ELP2: variants seen among roughly 807,000 people sequenced by gnomAD.
ELP2 encodes the protein elongator complex protein 2.
In ELP2, 90 loss-of-function variants were observed where a neutral mutation model predicts 119.2. The ratio of observed to expected loss-of-function variants is 0.75; its 90% CI spans 0.64 to 0.90. ELP2 has a LOEUF of 0.90. ELP2 is among the 40% of genes least tolerant of loss of function. The pLI is 0.00. For missense variants in ELP2, 921 were observed against 967.8 expected (o/e 0.95, Z 0.64); for synonymous variants, 339 against 331.0 (o/e 1.02, Z -0.26).
Position 36,154,883 on chromosome 18 carries a change from C to T in ELP2, c.1159C>T (p.His387Tyr). 5 of 1,614,018 alleles carry T rather than the reference C, an allele frequency of 3.1e-6. No individual in the cohort carries two copies. The highest frequency in any genetic ancestry group is 4.2e-6 in the Non-Finnish European group (5 of 1,179,906). The change falls in exon 12 of 22, where the codon CAC becomes TAC. Residue 387 changes from histidine (H) to tyrosine (Y), a missense_variant. By Grantham distance (83) the His-to-Tyr change is moderately conservative. Coordinates refer to ENST00000358232, the MANE Select transcript of ELP2 (RefSeq NM_018255.4). ...EWTPEIVISG[H>Y]FDGVQDLVWD... is the part of the protein sequence containing the mutation. ...GACTCCAGAGATTGTCATTTCAGGA[C>T]ACTTTGATGGTGTCCAAGACCTAGT...
At chr18:36,145,149 C>G in intron 9 of ELP2, 115 bp downstream of exon 9, 2 of 816,730 alleles carry the variant, frequency 2.4e-6, no homozygotes, top group Non-Finnish European at 4.3e-6. Context: ...AAATACATGA[C>G]ATTTTCAAGT....
rs753760574 is a variant in ELP2, at chr18:36,142,916, A to G, written c.746A>G (p.Asp249Gly). ...AAGTCAACATCTTTAGAAACTCAGG[A>G]TGACGATAACATAAGACTGAAAGAA... is the stretch of plus-strand genomic sequence containing the variant. ...YIKSTSLETQ[D>G]DDNIRLKENT... Residue 249 changes from aspartate (D) to glycine (G), a missense_variant, in exon 8 of 22, where the codon GAT becomes GGT. By Grantham distance (94) the Asp-to-Gly change is moderately conservative. Coordinates refer to ENST00000358232, the MANE Select transcript of ELP2 (RefSeq NM_018255.4). 4 of 1,598,712 alleles carry G rather than the reference A, an allele frequency of 2.5e-6. No homozygotes were observed. The African/African-American group carries it at 4.0e-5, about 16-fold the overall frequency.
At chr18:36,138,211 A>C in intron 3 of ELP2, 59 bp from the exon 4 acceptor site, 1 of 1,569,250 alleles carries the variant, frequency 6.4e-7, no homozygotes, top group Non-Finnish European at 8.7e-7. Context: ...TTATCCAATT[A>C]AATAAAGGTA....
At chr18:36,162,653 T>G (rs1307170531) in intron 17 of ELP2, among the ~76,000 whole-genome samples, 2 of 152,204 alleles carry the variant, frequency 1.3e-5, no homozygotes, top group Non-Finnish European at 2.9e-5. Flanking sequence ...CATGCTGTGT[T>G]CCGCAGTGGT....
At chr18:36,155,272 C>CCG in intron 12 of ELP2, among the ~76,000 whole-genome samples, 1 of 145,910 alleles carries the variant, frequency 6.9e-6, no homozygotes, top group South Asian at 2.3e-4. Flanking sequence ...CCTCCCCCCC[C>CCG]CCCGCCTCCC....
In ELP2 at chr18:36,142,359, AT is replaced by A; in HGVS notation, c.655+16del. The A allele has an allele frequency of 5.0e-6, 8 of 1,609,964 alleles. No homozygotes were observed. The highest frequency in any genetic ancestry group is 6.8e-6 in the Non-Finnish European group (8 of 1,176,280). ...ATGGGCAGCCTTTGGTCAGTATGAA[AT>A]TTTGCTAATGCACATACAATGGGAA... On this transcript the variant is annotated intron_variant, in intron 7 of 21. Coordinates refer to ENST00000358232, the MANE Select transcript of ELP2 (RefSeq NM_018255.4).
intron 21 of ELP2, among the ~76,000 whole-genome samples, chr18:36,172,278 A>G (rs960154586): frequency 6.6e-6 from 1 of 152,090 alleles, no homozygotes; most frequent in Non-Finnish European, 1.5e-5. Flanking sequence ...AAAAAGTATA[A>G]ACGTTCAGAA....
chr18:36,169,466 A>AG (rs2091012222), intron 19 of ELP2, among the ~76,000 whole-genome samples: 1 of 150,588 alleles, frequency 6.6e-6, no homozygotes, highest in Non-Finnish European at 1.5e-5. Flanking sequence ...GGCTCACTGC[A>AG]ACCTCTGCCT....
In ELP2 at chr18:36,180,034, C is replaced by G. The variant is rs1470555601; in HGVS notation, c.*5393C>G. 1 of 152,242 alleles carries G rather than the reference C, an allele frequency of 6.6e-6. No homozygotes were observed. The highest frequency in any genetic ancestry group is 2.1e-4 in the South Asian group (1 of 4,836). The allele number at this position is 152,242 out of a possible 1,614,324, so 9.4% of individuals were successfully genotyped here. On this transcript the variant is annotated 3_prime_UTR_variant, in exon 22 of 22. Coordinates refer to ENST00000358232, the MANE Select transcript of ELP2 (RefSeq NM_018255.4). ...TTACGCAAGTTAAAAGTTTATTTCT[C>G]TCATATGAAAGGAGTCAAGGCAGAC...
intron 11 of ELP2, among the ~76,000 whole-genome samples, chr18:36,148,229 G>A (rs529645598): frequency 5.2e-4 from 79 of 152,110 alleles, no homozygotes; most frequent in African/African-American, 1.9e-3. Context: ...GAGTAGCTGG[G>A]ACTACAGGTG....
At chr18:36,153,405 G>C (rs555975143) in intron 11 of ELP2, among the ~76,000 whole-genome samples, 1 of 152,226 alleles carries the variant, frequency 6.6e-6, no homozygotes, top group South Asian at 2.1e-4. Context: ...AGCAAATCCT[G>C]CTTCACTAAG....
chr18:36,159,019 G>A, intron 14 of ELP2, 115 bp downstream of exon 14: 3 of 739,362 alleles, frequency 4.1e-6, no homozygotes, highest in South Asian at 1.5e-5. Flanking sequence ...TTAAATCACA[G>A]TATATCTTTT....
At chr18:36,133,736 AT>A (rs10535065) in intron 2 of ELP2, among the ~76,000 whole-genome samples, 65,567 of 146,112 alleles carry the variant, frequency 0.45, 15,439 homozygotes, top group South Asian at 0.63. Context: ...TTATTTATTT[AT>A]TTTTTTTTTG....
chr18:36,160,367 G>A (rs536101639), intron 16 of ELP2, among the ~76,000 whole-genome samples: 7 of 152,044 alleles, frequency 4.6e-5, no homozygotes, highest in Admixed American at 1.3e-4. Flanking sequence ...TTGAGGCCAG[G>A]AGTTTGAGAC....
Position 36,164,630 on chromosome 18 carries a change from A to G in ELP2, c.1917A>G (p.Ser639=). 2 of 1,614,118 alleles carry G rather than the reference A, an allele frequency of 1.2e-6. No individual in the cohort carries two copies. Among genetic ancestry groups the G allele is most frequent in the African/African-American group, 1.3e-5 (1 of 75,060 alleles). Residue 639 remains serine, a synonymous_variant, in exon 18 of 22, where the codon TCA becomes TCG. Transcript: ENST00000358232. Reference sequence around the variant, plus strand: ...CTGTTTCCAGAGATCGAACCTGGTCATTGTGGAAAAAGCAGGATACAATCT... The same window carrying G: ...CTGTTTCCAGAGATCGAACCTGGTCGTTGTGGAAAAAGCAGGATACAATCT... The part of the protein sequence containing the change: ...LLAVSRDRTW[S]LWKKQDTISP...
At chr18:36,160,710 T>C (rs1010775658) in intron 16 of ELP2, among the ~76,000 whole-genome samples, 2 of 152,172 alleles carry the variant, frequency 1.3e-5, no homozygotes, top group African/African-American at 4.8e-5. Flanking sequence ...AAAACTTGTA[T>C]GTTAATTGTT....
chr18:36,136,578 A>C, intron 3 of ELP2: 1 of 580,928 alleles, frequency 1.7e-6, no homozygotes, highest in South Asian at 2.1e-5. Context: ...TTTTGTAGAG[A>C]TGGGGTCTTA....
At chr18:36,141,030 A>G (rs1423750795) in intron 5 of ELP2, 107 bp from the exon 6 acceptor site, 3 of 896,174 alleles carry the variant, frequency 3.3e-6, no homozygotes, top group Non-Finnish European at 3.8e-6. Flanking sequence ...GGTGTGGGAA[A>G]TTGAAGTCAG....
intron 7 of ELP2, 109 bp downstream of exon 7, chr18:36,142,456 T>A: frequency 1.1e-6 from 1 of 922,038 alleles, no homozygotes; most frequent in South Asian, 1.4e-5. Context: ...TATGTTATGT[T>A]TTTCTATTGT....
Sources: allele counts gnomAD v4.1 joint callset (sites outside exome capture counted in the v4.1 genomes callset), GRCh38; gene constraint gnomAD v4.1.1; transcripts MANE v1.5; gene names NCBI Gene and HGNC (gene_info 2026-07-23, HGNC 2026-07-21).